Variants in NEK1 observed in about 807,000 individuals in gnomAD.
NEK1 encodes NIMA related kinase 1.
A neutral mutation model predicts 182.1 loss-of-function variants in NEK1; 137 were observed. The ratio of observed to expected loss-of-function variants is 0.75; its 90% CI spans 0.65 to 0.87. The LOEUF is 0.87. Among genes scored for constraint, NEK1 ranks in the 40% least tolerant of loss-of-function variants. NEK1 has a pLI of 0.00. For synonymous variants in NEK1, 513 were observed against 492.2 expected, an observed-to-expected ratio of 1.04 and a Z score of -0.56; for missense variants, 1,391 against 1,494.4, an observed-to-expected ratio of 0.93 and a Z score of 1.14.
At chr4:169,488,388 A>G (rs550151851) in intron 23 of NEK1, among the ~76,000 whole-genome samples, 3 of 152,336 alleles carry the variant, frequency 2.0e-5, no homozygotes, top group African/African-American at 4.8e-5. Context: ...AATTTTCTGC[A>G]TATGACTAGC....
chr4:169,428,559 A>G (rs1397687635), intron 29 of NEK1, among the ~76,000 whole-genome samples: 1 of 151,512 alleles, frequency 6.6e-6, no homozygotes, highest in Non-Finnish European at 1.5e-5. Context: ...TGGCTGCCAG[A>G]GGTTGGTGGG....
chr4:169,573,824 T>C (rs1229254882), intron 12 of NEK1, among the ~76,000 whole-genome samples: 1 of 151,384 alleles, frequency 6.6e-6, no homozygotes, highest in Non-Finnish European at 1.5e-5. Context: ...TAGGTGAGAG[T>C]TTCAAGTTAA....
intron 26 of NEK1, among the ~76,000 whole-genome samples, chr4:169,471,075 T>C (rs1410122769): frequency 1.3e-5 from 2 of 152,200 alleles, no homozygotes; most frequent in Non-Finnish European, 2.9e-5. Flanking sequence ...ACACACTCCT[T>C]TAGCTTGGAG....
intron 29 of NEK1, among the ~76,000 whole-genome samples, chr4:169,429,541 GT>G (rs1737032093): frequency 6.6e-6 from 1 of 151,966 alleles, no homozygotes; most frequent in Non-Finnish European, 1.5e-5. Context: ...ATTGCTTCAT[GT>G]TATTTTATGG....
At chr4:169,558,560 G>C (rs911323416) in intron 16 of NEK1, among the ~76,000 whole-genome samples, 2 of 152,104 alleles carry the variant, frequency 1.3e-5, no homozygotes, top group East Asian at 3.8e-4. Flanking sequence ...TTCACTCACA[G>C]GTTTTTAAGA....
chr4:169,469,495 G>T (rs1277127029), intron 26 of NEK1, among the ~76,000 whole-genome samples: 1 of 152,072 alleles, frequency 6.6e-6, no homozygotes, highest in Non-Finnish European at 1.5e-5. Context: ...CGTTTGTTAT[G>T]ATTTCCATTC....
In NEK1 at chr4:169,393,791, T is replaced by A. The variant is rs1241511811; in HGVS notation, c.*719A>T. On this transcript the variant is annotated 3_prime_UTR_variant, in exon 36 of 36. Coordinates refer to ENST00000507142, the MANE Select transcript of NEK1 (RefSeq NM_001199397.3). ...GTCAGTGTTAAATCCACAGACTAATTTTTCGATATAGTATTCCTGGTTCTG... is the reference window on the plus strand; with the variant it reads ...GTCAGTGTTAAATCCACAGACTAATATTTCGATATAGTATTCCTGGTTCTG... 1 of 152,210 alleles carries A rather than the reference T, an allele frequency of 6.6e-6. No individual in the cohort carries two copies. The highest frequency in any genetic ancestry group is 1.5e-5 in the Non-Finnish European group (1 of 68,024). The allele number at this position is 152,210 out of a possible 1,614,324, so 9.4% of individuals were successfully genotyped here. A position where few individuals can be genotyped will look rare whatever the true frequency, so the allele number is the denominator to read the frequency against.
chr4:169,474,225 G>A (rs1746542917), intron 26 of NEK1, among the ~76,000 whole-genome samples: 2 of 152,138 alleles, frequency 1.3e-5, no homozygotes, highest in African/African-American at 4.8e-5. Flanking sequence ...GATACAATGA[G>A]CAGGCAACGC....
At chr4:169,437,984 C>T in intron 28 of NEK1, 99 bp downstream of exon 28, 1 of 904,946 alleles carries the variant, frequency 1.1e-6, no homozygotes, top group Non-Finnish European at 1.6e-6. Context: ...GAGATAATTA[C>T]CCAAACATAT....
chr4:169,515,059 A>C lies in NEK1; in HGVS notation c.1666-6207T>G, dbSNP rs545459775. Among the ~76,000 whole-genome samples the C allele has an allele frequency of 1.5e-4, 23 of 152,070 alleles. No individual in the cohort carries two copies. In the South Asian group the frequency reaches 4.8e-3, roughly 32 times the overall value. On this transcript the variant is annotated intron_variant, in intron 19 of 35. Transcript: ENST00000507142. ...TCCATTCTGTTCTATGTACATCTAA[A>C]TTTCCTTTCAGATTTCCTCTTTGAC...
Position 169,561,821 on chromosome 4 carries a change from CA to C in NEK1, c.1140+10del. On this transcript the variant is annotated intron_variant, in intron 14 of 35. Coordinates refer to ENST00000507142, the MANE Select transcript of NEK1 (RefSeq NM_001199397.3). ...CTTGCCAAAGGTAGAAAAACAAGAG[CA>C]AAAAACTACCTGATCCTTTTGTTTC... 6.2e-7 allele frequency: 1 copy of C among 1,608,398 alleles called. No homozygotes were observed. The highest frequency in any genetic ancestry group is 1.7e-5 in the Admixed American group (1 of 59,384).
intron 18 of NEK1, among the ~76,000 whole-genome samples, chr4:169,553,077 A>C (rs1202844113): frequency 6.6e-6 from 1 of 152,186 alleles, no homozygotes; most frequent in Non-Finnish European, 1.5e-5. Flanking sequence ...CTTATTATAA[A>C]GCTTATATGG....
chr4:169,423,832 GTAGT>G (rs1366577705), intron 31 of NEK1, among the ~76,000 whole-genome samples: 8 of 152,154 alleles, frequency 5.3e-5, no homozygotes, highest in African/African-American at 1.7e-4. Context: ...AATGGAATAT[GTAGT>G]TATTTATGAT....
At chr4:169,406,566 A>C (rs1489132926) in intron 32 of NEK1, 30 bp downstream of exon 32, 1 of 1,488,036 alleles carries the variant, frequency 6.7e-7, no homozygotes, top group Non-Finnish European at 9.0e-7. Context: ...AAAATCTTTT[A>C]ATGCTGTTTA....
chr4:169,426,345 C>T (rs766710371), intron 29 of NEK1, 111 bp from the exon 30 acceptor site: 55 of 784,900 alleles, frequency 7.0e-5, no homozygotes, highest in Non-Finnish European at 1.0e-4. Context: ...TCTTTGATCC[C>T]TCTTCCAAGT....
At chr4:169,452,930 A>T (rs1397317484) in intron 27 of NEK1, among the ~76,000 whole-genome samples, 1 of 152,200 alleles carries the variant, frequency 6.6e-6, no homozygotes, top group African/African-American at 2.4e-5. Flanking sequence ...CTCAGCCCCA[A>T]ATTTCCTTAA....
chr4:169,572,186 G>C (rs1024876031), intron 12 of NEK1, among the ~76,000 whole-genome samples: 3 of 152,182 alleles, frequency 2.0e-5, no homozygotes, highest in Admixed American at 2.0e-4. Flanking sequence ...AAAGCAGTTA[G>C]ACTAATCATG....
rs1465230791 is a variant in NEK1, at chr4:169,590,141, C to G, written c.396+585G>C. On this transcript the variant is annotated intron_variant, in intron 6 of 35. Coordinates refer to ENST00000507142, the MANE Select transcript of NEK1 (RefSeq NM_001199397.3). ...TGGCCAACATGGTGAAACCCCATCT[C>G]TACTAAAACTAAAAAAAATTGCCAG... Among the ~76,000 whole-genome samples the G allele has an allele frequency of 2.6e-5, 4 of 152,070 alleles. 1 individual carries two copies. The highest frequency in any genetic ancestry group is 4.1e-4 in the South Asian group (2 of 4,822).
At chr4:169,557,019 G>A (rs556797894) in intron 16 of NEK1, among the ~76,000 whole-genome samples, 4 of 152,190 alleles carry the variant, frequency 2.6e-5, no homozygotes, top group Non-Finnish European at 4.4e-5. Flanking sequence ...TGGTGTTTGC[G>A]TTCAAATAAT....
Sources: allele counts gnomAD v4.1 joint callset (sites outside exome capture counted in the v4.1 genomes callset), GRCh38; gene constraint gnomAD v4.1.1; transcripts MANE v1.5; gene names NCBI Gene and HGNC (gene_info 2026-07-23, HGNC 2026-07-21).